The following RBFOX1 variants were observed in gnomAD, a reference collection of about 807,000 sequenced individuals.
The protein encoded by RBFOX1 is RNA binding fox-1 homolog 1.
Under a neutral mutation model 57.7 loss-of-function variants are expected in RBFOX1, and 8 were observed. The ratio of observed to expected loss-of-function variants is 0.14; its 90% CI spans 0.08 to 0.25. The LOEUF is 0.25. RBFOX1 is among the 10% of genes least tolerant of loss of function. RBFOX1 has a pLI of 1.00. For missense variants in RBFOX1, 611 were observed against 548.5 expected (o/e 1.11, Z -1.14); for synonymous variants, 326 against 222.4 (o/e 1.47, Z -4.15).
chr16:7,663,515 G>C (rs1484774869), intron 12 of RBFOX1, among the ~76,000 whole-genome samples: 1 of 151,846 alleles, frequency 6.6e-6, no homozygotes, highest in Non-Finnish European at 1.5e-5. Context: ...GTGTGTGTGT[G>C]TGTGTGTGTG....
intron 1 of RBFOX1, among the ~76,000 whole-genome samples, chr16:6,174,154 C>T (rs913815829): frequency 6.6e-6 from 1 of 152,164 alleles, no homozygotes. Flanking sequence ...GAGTCGGCGT[C>T]ATGTTGGGTA....
At chr16:6,834,267 G>A (rs546552552) in intron 3 of RBFOX1, among the ~76,000 whole-genome samples, 20 of 151,916 alleles carry the variant, frequency 1.3e-4, no homozygotes, top group African/African-American at 4.1e-4. Flanking sequence ...TAGAGATGGG[G>A]GTTTCACCAC....
At chr16:7,504,708 A>ATT (rs1174309315) in intron 4 of RBFOX1, among the ~76,000 whole-genome samples, 1 of 92,804 alleles carries the variant, frequency 1.1e-5, no homozygotes, top group Non-Finnish European at 1.8e-5. Context: ...ATGAAGTGAG[A>ATT]TTATATATAT....
At chr16:5,778,203 G>T (rs1157462797) in intron 3 of RBFOX1, among the ~76,000 whole-genome samples, 7 of 152,274 alleles carry the variant, frequency 4.6e-5, no homozygotes, top group South Asian at 2.1e-4. Flanking sequence ...TGACTTGGTT[G>T]AGAGTTACGG....
chr16:7,198,792 C>A (rs768457969), intron 4 of RBFOX1, among the ~76,000 whole-genome samples: 3 of 152,210 alleles, frequency 2.0e-5, no homozygotes, highest in Non-Finnish European at 4.4e-5. Flanking sequence ...CACCTCCCAA[C>A]ACTGTTGCAA....
At chr16:7,105,084 A>G (rs2151442191) in intron 4 of RBFOX1, among the ~76,000 whole-genome samples, 1 of 152,186 alleles carries the variant, frequency 6.6e-6, no homozygotes, top group East Asian at 1.9e-4. Flanking sequence ...TTTGAGCTGA[A>G]AGAGAGCACC....
intron 3 of RBFOX1, among the ~76,000 whole-genome samples, chr16:6,764,179 C>G (rs776018223): frequency 6.6e-6 from 1 of 152,160 alleles, no homozygotes; most frequent in Non-Finnish European, 1.5e-5. Flanking sequence ...TAGGTGCCCT[C>G]AATATCTCCC....
chr16:7,562,489 T>A (rs1267364957), intron 5 of RBFOX1, among the ~76,000 whole-genome samples: 1 of 152,124 alleles, frequency 6.6e-6, no homozygotes, highest in Non-Finnish European at 1.5e-5. Flanking sequence ...CACGAGACCC[T>A]GGGCAACTAT....
intron 1 of RBFOX1, among the ~76,000 whole-genome samples, chr16:5,389,515 C>G (rs893291534): frequency 1.3e-5 from 2 of 152,148 alleles, no homozygotes; most frequent in Non-Finnish European, 2.9e-5. Context: ...GGCAAAGTCA[C>G]TCCAGCTGAA....
intron 2 of RBFOX1, among the ~76,000 whole-genome samples, chr16:5,501,923 A>G (rs139684430): frequency 0.021 from 3,180 of 151,872 alleles, 46 homozygotes; most frequent in Middle Eastern, 0.048. Flanking sequence ...GGGTCTTGCT[A>G]TGTTGCCCAA....
intron 3 of RBFOX1, among the ~76,000 whole-genome samples, chr16:7,042,794 C>T (rs761673780): frequency 4.6e-5 from 7 of 152,084 alleles, no homozygotes; most frequent in East Asian, 3.9e-4. Flanking sequence ...GGTGTGGTGG[C>T]GCTCACCTGG....
intron 4 of RBFOX1, among the ~76,000 whole-genome samples, chr16:7,459,321 T>C (rs889513141): frequency 8.5e-5 from 13 of 152,252 alleles, no homozygotes; most frequent in Admixed American, 5.9e-4. Flanking sequence ...CCAGAGATCC[T>C]TTTAACTCAC....
chr16:5,392,799 C>T (rs2066450070), intron 1 of RBFOX1, among the ~76,000 whole-genome samples: 1 of 152,106 alleles, frequency 6.6e-6, no homozygotes, highest in Non-Finnish European at 1.5e-5. Context: ...GTACACTCGC[C>T]CCTGACCCTG....
intron 4 of RBFOX1, among the ~76,000 whole-genome samples, chr16:5,989,116 C>G (rs112029301): frequency 1.2e-3 from 180 of 149,978 alleles, no homozygotes; most frequent in African/African-American, 3.9e-3. Flanking sequence ...GTCAAGGGAT[C>G]GAGACCATCC....
At chr16:5,808,643 T>G (rs1230647402) in intron 3 of RBFOX1, among the ~76,000 whole-genome samples, 1 of 152,230 alleles carries the variant, frequency 6.6e-6, no homozygotes, top group Non-Finnish European at 1.5e-5. Context: ...ACGTCCCTTG[T>G]AAGTTGGATT....
chr16:6,899,045 C>T (rs150700650), intron 3 of RBFOX1, among the ~76,000 whole-genome samples: 159 of 150,152 alleles, frequency 1.1e-3, no homozygotes, highest in African/African-American at 3.7e-3. Context: ...TGTGTGTATG[C>T]ATGTGTATGT....
intron 2 of RBFOX1, among the ~76,000 whole-genome samples, chr16:6,319,795 A>C (rs1018025875): frequency 1.3e-5 from 2 of 152,196 alleles, no homozygotes; most frequent in African/African-American, 2.4e-5. Flanking sequence ...CTTAAGCCTC[A>C]GCATGATTTT....
rs761820657 is a variant in RBFOX1, at chr16:6,866,541, A to AATTTTTTTTTTTTTT, written c.-15-185516_-15-185515insATTTTTTTTTTTTTT. 1.5e-4 allele frequency among the ~76,000 whole-genome samples: 12 copies of AATTTTTTTTTTTTTT among 78,876 alleles called. 1 individual carries two copies. Among genetic ancestry groups the AATTTTTTTTTTTTTT allele is most frequent in the African/African-American group, 6.7e-4 (12 of 17,830 alleles). The allele number at this position is 78,876 out of a possible 152,430, so 51.7% of individuals were successfully genotyped here. Reference sequence around the variant, plus strand: ...TAAGGTTAGGGCTTTCTTTCCTTCTATTTTTTTTTTTTTTTTTTGAGTTGG... The same window carrying AATTTTTTTTTTTTTT: ...TAAGGTTAGGGCTTTCTTTCCTTCTAATTTTTTTTTTTTTTTTTTTTTTTTTTTTTTTTGAGTTGG... On this transcript the variant is annotated intron_variant, in intron 3 of 15. Coordinates refer to ENST00000550418, the MANE Select transcript of RBFOX1 (RefSeq NM_018723.4).
chr16:7,449,484 C>T (rs2098834323), intron 4 of RBFOX1, among the ~76,000 whole-genome samples: 1 of 152,086 alleles, frequency 6.6e-6, no homozygotes, highest in South Asian at 2.1e-4. Context: ...TAACGCGCCC[C>T]TTGCCAACAT....
Sources: gnomAD v4.1 joint callset for allele counts (sites outside exome capture counted in the v4.1 genomes callset) on GRCh38, gnomAD v4.1.1 for gene constraint, MANE v1.5 for transcripts, NCBI Gene and HGNC (gene_info 2026-07-23, HGNC 2026-07-21) for gene names.